Variants in LUZP2 observed in about 807,000 individuals in gnomAD.
LUZP2 encodes the protein leucine zipper protein 2.
In LUZP2, 52 loss-of-function variants were observed where a neutral mutation model predicts 51.6. The ratio of observed to expected loss-of-function variants is 1.01; its 90% confidence interval spans 0.81 to 1.27. LUZP2 has a LOEUF of 1.27. Ranked by LOEUF, LUZP2 falls within the 50% of genes most tolerant of loss-of-function variation. The probability of loss-of-function intolerance (pLI) is 0.00; values close to 1 mark genes in which losing one functional copy is unlikely to be tolerated. For missense variants in LUZP2, 436 were observed against 395.4 expected, an observed-to-expected ratio of 1.10 and a Z score of -0.87; for synonymous variants, 154 against 137.3, an observed-to-expected ratio of 1.12 and a Z score of -0.85.
At chr11:24,728,905 T>C (rs1280149002) in intron 1 of LUZP2, among the ~76,000 whole-genome samples, 1 of 151,970 alleles carries the variant, frequency 6.6e-6, no homozygotes, top group Non-Finnish European at 1.5e-5. Flanking sequence ...ATGTCTTACA[T>C]GCAGCAGGGA....
At chr11:24,852,424 G>A (rs934358142) in intron 5 of LUZP2, among the ~76,000 whole-genome samples, 1 of 152,162 alleles carries the variant, frequency 6.6e-6, no homozygotes, top group African/African-American at 2.4e-5. Flanking sequence ...TTTTGAGTGA[G>A]TTTCTTAATC....
At chr11:24,945,285 G>C (rs1241227624) in intron 7 of LUZP2, among the ~76,000 whole-genome samples, 4 of 152,096 alleles carry the variant, frequency 2.6e-5, no homozygotes, top group African/African-American at 9.7e-5. Context: ...CCCACAATAA[G>C]ATACAGAGAG....
At chr11:24,603,283 T>G (rs1180625973) in intron 1 of LUZP2, among the ~76,000 whole-genome samples, 2 of 151,828 alleles carry the variant, frequency 1.3e-5, no homozygotes, top group Non-Finnish European at 2.9e-5. Context: ...ATGTATTATT[T>G]CAAAACTTAT....
At chr11:24,966,204 A>G (rs1855576947) in intron 7 of LUZP2, among the ~76,000 whole-genome samples, 1 of 151,768 alleles carries the variant, frequency 6.6e-6, no homozygotes, top group South Asian at 2.1e-4. Context: ...ATTTTTAAAA[A>G]ATGTGGTTGT....
chr11:24,818,059 C>T (rs997220626), intron 5 of LUZP2, among the ~76,000 whole-genome samples: 5 of 151,980 alleles, frequency 3.3e-5, no homozygotes, highest in Non-Finnish European at 7.4e-5. Flanking sequence ...AGAAAATTCT[C>T]CAAGCTCTTT....
At chr11:24,897,754 C>T (rs1853129689) in intron 5 of LUZP2, among the ~76,000 whole-genome samples, 1 of 152,146 alleles carries the variant, frequency 6.6e-6, no homozygotes, top group South Asian at 2.1e-4. Flanking sequence ...TTGTTGGTTG[C>T]TTGTATGACT....
intron 9 of LUZP2, among the ~76,000 whole-genome samples, chr11:25,044,684 A>G (rs1036239641): frequency 6.7e-6 from 1 of 149,820 alleles, no homozygotes; most frequent in African/African-American, 2.5e-5. Flanking sequence ...TAGAAATAGC[A>G]TTTGACCCAG....
At chr11:24,503,680 A>G (rs2133756495) in intron 1 of LUZP2, among the ~76,000 whole-genome samples, 1 of 152,308 alleles carries the variant, frequency 6.6e-6, no homozygotes, top group East Asian at 1.9e-4. Context: ...AGAAAACTGA[A>G]ACCCAGGGTG....
chr11:24,536,757 T>A (rs2133836532), intron 1 of LUZP2, among the ~76,000 whole-genome samples: 1 of 152,036 alleles, frequency 6.6e-6, no homozygotes, highest in African/African-American at 2.4e-5. Context: ...TTCAAGAACA[T>A]TTCTTTTGCA....
intron 10 of LUZP2, among the ~76,000 whole-genome samples, chr11:25,057,096 A>G (rs1458704026): frequency 1.3e-5 from 2 of 152,204 alleles, no homozygotes; most frequent in South Asian, 4.1e-4. Context: ...CATTTATTGC[A>G]GGTTTATTAT....
chr11:25,055,090 A>C (rs1420337175), intron 10 of LUZP2, among the ~76,000 whole-genome samples: 1 of 142,078 alleles, frequency 7.0e-6, no homozygotes, highest in Non-Finnish European at 1.6e-5. Context: ...GGCTCACTGC[A>C]ACCTCTGCCT....
At chr11:25,005,202 G>A (rs995128148) in intron 9 of LUZP2, among the ~76,000 whole-genome samples, 2 of 152,086 alleles carry the variant, frequency 1.3e-5, no homozygotes, top group Admixed American at 6.6e-5. Flanking sequence ...TCCCTTCTGG[G>A]CTGGGGAGAT....
intron 1 of LUZP2, among the ~76,000 whole-genome samples, chr11:24,643,312 T>C (rs1590285002): frequency 6.9e-6 from 1 of 145,230 alleles, no homozygotes; most frequent in Non-Finnish European, 1.5e-5. Context: ...GTCTGGGAGG[T>C]TGGGGGGTAG....
At chr11:24,612,811 AAGAT>A (rs1321081465) in intron 1 of LUZP2, among the ~76,000 whole-genome samples, 1 of 152,100 alleles carries the variant, frequency 6.6e-6, no homozygotes, top group African/African-American at 2.4e-5. Flanking sequence ...TATTCTTGTA[AAGAT>A]AGATAAAGTG....
At chr11:24,976,567 G>T in intron 7 of LUZP2, 24 bp from the exon 8 acceptor site, 1 of 1,536,152 alleles carries the variant, frequency 6.5e-7, no homozygotes. Flanking sequence ...AATTTATCTA[G>T]AAGATTTATC....
chr11:24,945,517 GTTT>G (rs5790446), intron 7 of LUZP2, among the ~76,000 whole-genome samples: 1,975 of 140,562 alleles, frequency 0.014, 29 homozygotes, highest in South Asian at 0.049. Flanking sequence ...AAATTTGCCT[GTTT>G]TTTTTTTTTT....
At chr11:24,540,666 T>C (rs1292765690) in intron 1 of LUZP2, among the ~76,000 whole-genome samples, 4 of 152,116 alleles carry the variant, frequency 2.6e-5, no homozygotes, top group African/African-American at 9.7e-5. Context: ...AACTGTCCTT[T>C]AGAAGAATCC....
chr11:24,996,367 G>A (rs1856497571), intron 9 of LUZP2, among the ~76,000 whole-genome samples: 1 of 150,898 alleles, frequency 6.6e-6, no homozygotes, highest in African/African-American at 2.4e-5. Context: ...CTCAAGGCAT[G>A]TTTTTAAATT....
Position 24,755,221 on chromosome 11 carries a change from C to A in LUZP2, c.334-8025C>A, listed in dbSNP as rs192440629. Among the ~76,000 whole-genome samples the A allele has an allele frequency of 1.1e-3, 172 of 152,056 alleles. 1 individual carries two copies. Among genetic ancestry groups the A allele is most frequent in the East Asian group, 5.8e-4 (3 of 5,174 alleles). On this transcript the variant is annotated intron_variant, in intron 4 of 11. Coordinates refer to ENST00000336930, the MANE Select transcript of LUZP2 (RefSeq NM_001009909.4). ...TTCACTATCCATTTTAGTAAAGGTA[C>A]CTCAGAGAGCTGATAATACCAATGT... is the stretch of plus-strand genomic sequence containing the variant.
Sources: gnomAD v4.1 joint callset for allele counts (sites outside exome capture counted in the v4.1 genomes callset) on GRCh38, gnomAD v4.1.1 for gene constraint, MANE v1.5 for transcripts, NCBI Gene and HGNC (gene_info 2026-07-23, HGNC 2026-07-21) for gene names.